The following SORCS1 variants were observed in gnomAD, a reference collection of about 807,000 sequenced individuals.
The protein encoded by SORCS1 is sortilin related VPS10 domain containing receptor 1, also known as VPS10 domain-containing receptor SorCS1.
A neutral mutation model predicts 146.1 loss-of-function variants in SORCS1; 60 were observed. That is an observed-to-expected ratio of 0.41 (90% CI 0.33 to 0.51). SORCS1 has a LOEUF of 0.51. Among genes scored for constraint, SORCS1 ranks in the 20% least tolerant of loss-of-function variants. The pLI, the probability that SORCS1 is intolerant of heterozygous loss-of-function variation, is 0.21. For missense variants in SORCS1, 1,352 were observed against 1,487.6 expected, an observed-to-expected ratio of 0.91 and a Z score of 1.50; for synonymous variants, 637 against 584.0, an observed-to-expected ratio of 1.09 and a Z score of -1.31.
intron 18 of SORCS1, among the ~76,000 whole-genome samples, chr10:106,637,325 G>T (rs983973229): frequency 2.0e-5 from 3 of 152,214 alleles, no homozygotes; most frequent in Non-Finnish European, 4.4e-5. Context: ...AAGCAGCTAG[G>T]ACAGAGTGTT....
intron 1 of SORCS1, among the ~76,000 whole-genome samples, chr10:107,158,176 G>A (rs1433644584): frequency 2.0e-5 from 3 of 152,244 alleles, no homozygotes; most frequent in South Asian, 2.1e-4. Context: ...AAGATTTAAT[G>A]TGCAAATAAG....
chr10:106,652,360 G>C, intron 18 of SORCS1, 22 bp downstream of exon 18: 1 of 1,581,858 alleles, frequency 6.3e-7, no homozygotes, highest in Non-Finnish European at 8.6e-7. Context: ...GAAAGTAGGG[G>C]GGAGATAGGA....
intron 1 of SORCS1, among the ~76,000 whole-genome samples, chr10:106,989,118 A>G (rs1956621974): frequency 6.6e-6 from 1 of 151,210 alleles, no homozygotes; most frequent in Non-Finnish European, 1.5e-5. Context: ...AAAAAAAAAA[A>G]AATTAGCTGG....
intron 3 of SORCS1, among the ~76,000 whole-genome samples, chr10:106,781,514 CA>C (rs1860895005): frequency 6.6e-6 from 1 of 152,064 alleles, no homozygotes; most frequent in Non-Finnish European, 1.5e-5. Context: ...ATGACAACAG[CA>C]AAGAAAAACA....
intron 6 of SORCS1, among the ~76,000 whole-genome samples, chr10:106,710,030 A>T (rs1854856540): frequency 6.6e-6 from 1 of 152,202 alleles, no homozygotes. Context: ...TCACCTTCAC[A>T]CTTTGATCTT....
intron 1 of SORCS1, among the ~76,000 whole-genome samples, chr10:107,130,886 C>T (rs753499980): frequency 1.3e-5 from 2 of 152,114 alleles, no homozygotes; most frequent in Non-Finnish European, 2.9e-5. Context: ...CCATCTATTT[C>T]CAGAATGTTT....
intron 2 of SORCS1, among the ~76,000 whole-genome samples, chr10:106,839,240 C>T (rs1049876914): frequency 2.6e-5 from 4 of 152,168 alleles, no homozygotes; most frequent in African/African-American, 7.2e-5. Context: ...AACAGTCAAG[C>T]TGTGACTGCA....
At chr10:106,887,132 A>G (rs1951031311) in intron 2 of SORCS1, among the ~76,000 whole-genome samples, 1 of 152,226 alleles carries the variant, frequency 6.6e-6, no homozygotes, top group South Asian at 2.1e-4. Context: ...TTAATGTATT[A>G]TCACTAATTA....
chr10:106,731,129 G>A (rs1397900074), intron 5 of SORCS1, among the ~76,000 whole-genome samples: 1 of 150,838 alleles, frequency 6.6e-6, no homozygotes, highest in Admixed American at 6.6e-5. Context: ...CTAACACGGT[G>A]AAACCCCATC....
intron 1 of SORCS1, among the ~76,000 whole-genome samples, chr10:106,969,447 G>T (rs1437291884): frequency 6.6e-6 from 1 of 152,182 alleles, no homozygotes; most frequent in East Asian, 1.9e-4. Context: ...TGTCCCTGAA[G>T]CAGGCCTAGG....
chr10:106,629,505 C>T lies in SORCS1; in HGVS notation c.2476-117G>A. ...CTCAGGCATGATGGCAGCCCTGGCT[C>T]ACTCCTACAGCTAGGAGCATCTGCC... is the stretch of plus-strand genomic sequence containing the variant. On this transcript the variant is annotated intron_variant, in intron 18 of 25. Coordinates refer to ENST00000263054, the MANE Select transcript of SORCS1 (RefSeq NM_052918.5). The T allele has an allele frequency of 5.2e-6, 5 of 967,094 alleles. No homozygotes were observed. In the Admixed American group the frequency reaches 9.0e-5, roughly 17 times the overall value. The allele number at this position is 967,094 out of a possible 1,614,324, so 59.9% of individuals were successfully genotyped here. A position where few individuals can be genotyped will look rare whatever the true frequency, so the allele number is the denominator to read the frequency against.
intron 10 of SORCS1, among the ~76,000 whole-genome samples, chr10:106,687,834 T>C (rs770817769): frequency 6.6e-6 from 1 of 152,186 alleles, no homozygotes; most frequent in Non-Finnish European, 1.5e-5. Context: ...TGAATTTATG[T>C]ATCATTAGTT....
At chr10:107,033,945 G>T (rs1564951986) in intron 1 of SORCS1, among the ~76,000 whole-genome samples, 1 of 152,194 alleles carries the variant, frequency 6.6e-6, no homozygotes, top group Non-Finnish European at 1.5e-5. Flanking sequence ...GCAGCTGCAT[G>T]TGGCACATTA....
chr10:107,066,498 A>G (rs1436399788), intron 1 of SORCS1, among the ~76,000 whole-genome samples: 2 of 152,210 alleles, frequency 1.3e-5, no homozygotes, highest in African/African-American at 4.8e-5. Context: ...TCTGAAAGTG[A>G]AAAGCCGCCA....
At chr10:106,600,359 G>T in intron 23 of SORCS1, 1 of 975,302 alleles carries the variant, frequency 1.0e-6, no homozygotes, top group African/African-American at 1.8e-5. Context: ...TATTTAACTT[G>T]CATCAAAGGA....
At chr10:106,820,765 T>C (rs1194925022) in intron 3 of SORCS1, among the ~76,000 whole-genome samples, 3 of 152,120 alleles carry the variant, frequency 2.0e-5, no homozygotes, top group Non-Finnish European at 4.4e-5. Context: ...AAACAAATGT[T>C]CTAGATACAG....
intron 2 of SORCS1, among the ~76,000 whole-genome samples, chr10:106,912,861 A>C (rs1005866731): frequency 2.0e-5 from 3 of 151,818 alleles, no homozygotes; most frequent in African/African-American, 7.3e-5. Flanking sequence ...GTATTTTTTT[A>C]GTAGAGATGG....
chr10:106,748,037 A>AT (rs1290346086), intron 5 of SORCS1, among the ~76,000 whole-genome samples: 1 of 151,978 alleles, frequency 6.6e-6, no homozygotes, highest in African/African-American at 2.4e-5. Context: ...CAAAATGCAA[A>AT]TTTTTTCTCA....
chr10:106,985,006 G>A (rs770985743), intron 1 of SORCS1, among the ~76,000 whole-genome samples: 1 of 151,940 alleles, frequency 6.6e-6, no homozygotes, highest in African/African-American at 2.4e-5. Flanking sequence ...TGACCAACAC[G>A]GTGAAACCCC....
Sources: allele counts gnomAD v4.1 joint callset (sites outside exome capture counted in the v4.1 genomes callset), GRCh38; gene constraint gnomAD v4.1.1; transcripts MANE v1.5; gene names NCBI Gene and HGNC (gene_info 2026-07-23, HGNC 2026-07-21).